Variants in ZPLD1 observed in about 807,000 individuals in gnomAD.
The protein encoded by ZPLD1 is zona pellucida like domain containing 1, also known as zona pellucida-like domain-containing protein 1.
In ZPLD1, 34 loss-of-function variants were observed where a neutral mutation model predicts 47.2. The observed-to-expected ratio is 0.72, with a 90% CI of 0.55 to 0.96. The LOEUF is 0.96. ZPLD1 is among the 40% of genes least tolerant of loss of function. The pLI is 0.00. For missense variants in ZPLD1, 512 were observed against 505.8 expected, an observed-to-expected ratio of 1.01 and a Z score of -0.12; for synonymous variants, 176 against 186.2, an observed-to-expected ratio of 0.95 and a Z score of 0.45.
intron 8 of ZPLD1, among the ~76,000 whole-genome samples, chr3:102,426,242 G>A (rs571290750): frequency 4.6e-5 from 7 of 152,206 alleles, no homozygotes; most frequent in African/African-American, 1.7e-4. Context: ...ATTGGGCCGG[G>A]TGCGGTGGCT....
intron 3 of ZPLD1, among the ~76,000 whole-genome samples, chr3:102,440,105 T>C (rs1229069782): frequency 6.6e-6 from 1 of 152,216 alleles, no homozygotes; most frequent in East Asian, 1.9e-4. Flanking sequence ...AAGTCAATTA[T>C]TTTGGTGAGA....
chr3:102,478,949 C>T lies in ZPLD1; in HGVS notation c.*1331C>T, dbSNP rs1707800098. On this transcript the variant is annotated 3_prime_UTR_variant, in exon 12 of 12. Coordinates refer to ENST00000466937, the MANE Select transcript of ZPLD1 (RefSeq NM_001329788.2). ...AACATTTGTGACCCATTAGTCCGGA[C>T]TTAATTTACTATACTGCATGCAAAT... is the stretch of plus-strand genomic sequence containing the variant. The T allele has an allele frequency of 6.6e-6, 1 of 152,124 alleles. No individual in the cohort carries two copies. The highest frequency in any genetic ancestry group is 2.4e-5 in the African/African-American group (1 of 41,430). 9.4% of individuals were successfully genotyped at this position (152,124 alleles called of 1,614,324 possible). A position where few individuals can be genotyped will look rare whatever the true frequency, so the allele number is the denominator to read the frequency against.
At chr3:102,397,839 C>T (rs556133615) in intron 7 of ZPLD1, among the ~76,000 whole-genome samples, 4 of 152,112 alleles carry the variant, frequency 2.6e-5, no homozygotes, top group African/African-American at 4.8e-5. Flanking sequence ...TAGTCTAGGC[C>T]GCTGCCTTCA....
intron 8 of ZPLD1, among the ~76,000 whole-genome samples, chr3:102,428,063 TTTA>T (rs1279860394): frequency 1.3e-5 from 2 of 152,220 alleles, no homozygotes; most frequent in Admixed American, 1.3e-4. Flanking sequence ...AACTGGCATT[TTTA>T]TTAACAAACT....
intron 10 of ZPLD1, among the ~76,000 whole-genome samples, chr3:102,474,039 A>G (rs1486159557): frequency 6.6e-6 from 1 of 152,194 alleles, no homozygotes; most frequent in Admixed American, 6.5e-5. Flanking sequence ...GTTAAACCTG[A>G]GAACTCCTGT....
chr3:102,449,310 G>A (rs555110438), intron 3 of ZPLD1, among the ~76,000 whole-genome samples: 7 of 152,130 alleles, frequency 4.6e-5, no homozygotes, highest in Admixed American at 1.3e-4. Flanking sequence ...AGCTCTCCAC[G>A]CAATCTTTCT....
intron 4 of ZPLD1, among the ~76,000 whole-genome samples, chr3:102,454,713 G>C (rs781735736): frequency 1.3e-5 from 2 of 152,126 alleles, no homozygotes; most frequent in South Asian, 2.1e-4. Context: ...AAAATTAGCT[G>C]GGCATGGTGG....
chr3:102,445,694 T>G (rs1486939756), intron 3 of ZPLD1, among the ~76,000 whole-genome samples: 2 of 152,204 alleles, frequency 1.3e-5, no homozygotes, highest in African/African-American at 4.8e-5. Flanking sequence ...ATGGTACCCA[T>G]GATAGTCTGC....
At chr3:102,405,260 A>G (rs1706668371) in intron 7 of ZPLD1, among the ~76,000 whole-genome samples, 1 of 151,950 alleles carries the variant, frequency 6.6e-6, no homozygotes, top group Admixed American at 6.6e-5. Flanking sequence ...GAAAAGATGA[A>G]GTTCCTTACC....
intron 10 of ZPLD1, among the ~76,000 whole-genome samples, chr3:102,475,639 G>C (rs1185245819): frequency 6.6e-6 from 1 of 152,152 alleles, no homozygotes; most frequent in Non-Finnish European, 1.5e-5. Context: ...TTATAAAGTA[G>C]TGTTGGTTAG....
At chr3:102,414,745 A>G (rs574861863) in intron 7 of ZPLD1, among the ~76,000 whole-genome samples, 1 of 151,980 alleles carries the variant, frequency 6.6e-6, no homozygotes, top group South Asian at 2.1e-4. Flanking sequence ...AATCTTATAT[A>G]TAAGGGGAAT....
chr3:102,429,542 G>C (rs751603037), intron 8 of ZPLD1, among the ~76,000 whole-genome samples: 4 of 152,052 alleles, frequency 2.6e-5, no homozygotes, highest in Non-Finnish European at 4.4e-5. Flanking sequence ...TTACTGGATT[G>C]GGGGGGAAAG....
chr3:102,467,986 G>A (rs1347738657), intron 8 of ZPLD1, among the ~76,000 whole-genome samples: 2 of 151,956 alleles, frequency 1.3e-5, no homozygotes, highest in East Asian at 1.9e-4. Flanking sequence ...AAAGAAAATG[G>A]CCAAGAACAC....
At chr3:102,429,864 G>T (rs1016908843) in intron 8 of ZPLD1, among the ~76,000 whole-genome samples, 2 of 152,120 alleles carry the variant, frequency 1.3e-5, no homozygotes, top group African/African-American at 4.8e-5. Flanking sequence ...ACATCTCAAG[G>T]CTGTATTAGA....
At chr3:102,386,410 C>T (rs113825265) in intron 6 of ZPLD1, among the ~76,000 whole-genome samples, 1,940 of 151,430 alleles carry the variant, frequency 0.013, 40 homozygotes, top group African/African-American at 0.045. Context: ...TCTAAGAATA[C>T]ACTTAAAAGC....
Position 102,453,000 on chromosome 3 carries a change from A to G in ZPLD1, c.188A>G (p.Tyr63Cys). Residue 63 changes from tyrosine (Y) to cysteine (C), a missense_variant, in exon 4 of 12, where the codon TAT becomes TGT. Transcript: ENST00000466937. Reference protein sequence around the residue: ...INFCTVLFSGYSETDLALNGR... With the variant: ...INFCTVLFSGCSETDLALNGR... ...TTTTGCACGGTACTTTTCTCGGGTT[A>G]TTCGGAAACAGATCTGGCACTGAAT... The G allele has an allele frequency of 1.2e-6, 2 of 1,614,144 alleles. No individual in the cohort carries two copies. The highest frequency in any genetic ancestry group is 1.3e-5 in the African/African-American group (1 of 75,038).
rs1383938200 is a variant in ZPLD1 at position 102,477,813 on chromosome 3, G to A, written c.*195G>A. On this transcript the variant is annotated 3_prime_UTR_variant, in exon 12 of 12. Transcript: ENST00000466937. ...TGCTATTGTCACTTATGTACGTGGC[G>A]AGCCGTATTTTTATGCCACCAGTGA... 6.7e-6 allele frequency: 3 copies of A among 446,024 alleles called. No homozygotes were observed. Among genetic ancestry groups the A allele is most frequent in the African/African-American group, 2.0e-5 (1 of 49,072 alleles). The allele number at this position is 446,024 out of a possible 1,614,324, so 27.6% of individuals were successfully genotyped here. A position where few individuals can be genotyped will look rare whatever the true frequency, so the allele number is the denominator to read the frequency against.
intron 3 of ZPLD1, among the ~76,000 whole-genome samples, chr3:102,440,311 A>G (rs1045970163): frequency 2.0e-5 from 3 of 152,212 alleles, no homozygotes; most frequent in Non-Finnish European, 2.9e-5. Flanking sequence ...TCCTGAAGGC[A>G]GTGGCAGTGG....
chr3:102,435,804 G>A (rs1467121580), intron 1 of ZPLD1, among the ~76,000 whole-genome samples: 3 of 151,860 alleles, frequency 2.0e-5, no homozygotes, highest in African/African-American at 4.8e-5. Context: ...CACCACGCCC[G>A]GCTAATTTTT....
Sources: gnomAD v4.1 joint callset for allele counts (sites outside exome capture counted in the v4.1 genomes callset) on GRCh38, gnomAD v4.1.1 for gene constraint, MANE v1.5 for transcripts, NCBI Gene and HGNC (gene_info 2026-07-23, HGNC 2026-07-21) for gene names.